Variants in CPTP observed in about 807,000 individuals in gnomAD.
The protein encoded by CPTP is GLTP domain-containing protein 1.
CPTP carries 5 observed loss-of-function variants against 5.7 expected under a neutral mutation model. That is an observed-to-expected ratio of 0.88 (90% CI 0.46 to 1.86). CPTP has a LOEUF of 1.86. Among genes scored for constraint, CPTP ranks in the 40% most tolerant of loss-of-function variants. CPTP has a pLI of 0.01. For missense variants in CPTP, 335 were observed against 306.5 expected (o/e 1.09, Z -0.69); for synonymous variants, 166 against 142.7 (o/e 1.16, Z -1.16).
Position 1,327,703 on chromosome 1 carries a change from G to T in CPTP, c.585G>T (p.Gln195His), listed in dbSNP as rs371503964. ...QMLGEALPFI[Q>H]RVYNVSQKLY... ...TAGGCGAGGCCCTCCCCTTCATCCA[G>T]CGTGTCTACAACGTCTCCCAGAAGC... The change falls in exon 3 of 3, where the codon CAG becomes CAT. Residue 195 changes from glutamine (Q) to histidine (H), a missense_variant. Gln to His is a conservative substitution (Grantham distance 24, BLOSUM62 0). Coordinates refer to ENST00000343938, the MANE Select transcript of CPTP (RefSeq NM_001029885.2). 7.4e-6 allele frequency: 12 copies of T among 1,612,644 alleles called. No homozygotes were observed. In the East Asian group the frequency reaches 8.9e-5, roughly 12 times the overall value.
At position 1,328,119 on chromosome 1, in the gene CPTP, C is replaced by T. The variant is rs1344206249; in HGVS notation, c.*356C>T. The T allele has an allele frequency of 2.8e-6, 1 of 353,112 alleles. No individual in the cohort carries two copies. The allele number at this position is 353,112 out of a possible 1,614,324, so 21.9% of individuals were successfully genotyped here. On this transcript the variant is annotated 3_prime_UTR_variant, in exon 3 of 3. Transcript: ENST00000343938. ...TCGCCACCCCCTAGCCTGTGGGGTG[C>T]ATCTGCGAACCAGGGTGAAGTCACA...
At position 1,327,456 on chromosome 1, in the gene CPTP, G is replaced by A. The variant is rs749351924; in HGVS notation, c.338G>A (p.Arg113His). 1.0e-5 allele frequency: 16 copies of A among 1,573,464 alleles called. No individual in the cohort carries two copies. Among genetic ancestry groups the A allele is most frequent in the Non-Finnish European group, 1.2e-5 (14 of 1,165,572 alleles). ...SGCRTVLRLH[R>H]ALHWLQLFLE... The stretch of plus-strand genomic sequence containing the variant: ...TGCCGGACGGTGCTGCGCCTGCACC[G>A]CGCCCTGCACTGGCTGCAGCTGTTC... Residue 113 changes from arginine to histidine, a missense_variant, in exon 3 of 3, where the codon CGC (arginine) becomes CAC (histidine). Physicochemically the swap from Arg to His is conservative, Grantham distance 29. Transcript: ENST00000343938.
At position 1,327,041 on chromosome 1, in the gene CPTP, G is replaced by C; in HGVS notation, c.122+9G>C. The C allele has an allele frequency of 6.2e-7, 1 of 1,612,622 alleles. No individual in the cohort carries two copies. The highest frequency in any genetic ancestry group is 1.1e-5 in the South Asian group (1 of 91,078). ...TGGAAGGGCCTGGTCAGGTGCGTGT[G>C]CCAGGGCTGCCTCCTGAGGTGGGCG... On this transcript the variant is annotated intron_variant, in intron 2 of 2. Coordinates refer to ENST00000343938, the MANE Select transcript of CPTP (RefSeq NM_001029885.2).
chr1:1,327,607 C>T lies in CPTP; in HGVS notation c.489C>T (p.Cys163=). ...GCCGCGCCGTCACCGTGGCCTTCTGCACGCTGCCCACACGCGAGGTCTTCC... is the reference window on the plus strand; with the variant it reads ...GCCGCGCCGTCACCGTGGCCTTCTGTACGCTGCCCACACGCGAGGTCTTCC... ...VVRRAVTVAF[C]TLPTREVFLE... is the part of the protein sequence containing the mutation. The change falls in exon 3 of 3, where the codon TGC becomes TGT. Residue 163 remains cysteine (C), a synonymous_variant. Transcript: ENST00000343938. 6.2e-7 allele frequency: 1 copy of T among 1,611,774 alleles called. No individual in the cohort carries two copies. Among genetic ancestry groups the T allele is most frequent in the Non-Finnish European group, 8.5e-7 (1 of 1,179,582 alleles).
At position 1,327,311 on chromosome 1, in the gene CPTP, G is replaced by T. The variant is rs1569622035; in HGVS notation, c.193G>T (p.Glu65Ter). 1 of 1,598,138 alleles carries T rather than the reference G, an allele frequency of 6.3e-7. No individual in the cohort carries two copies. Among genetic ancestry groups the T allele is most frequent in the South Asian group, 1.1e-5 (1 of 90,982 alleles). ...KDVVSKLRIM[E>*]RLRGGPQSEH... ...CGTGGTCTCCAAGCTGCGGATCATG[G>T]AGCGCCTCAGGGGCGGCCCGCAGAG... The change falls in exon 3 of 3, where the codon GAG becomes TAG. Residue 65 changes from glutamate to a stop codon, truncating the protein, a stop_gained. Coordinates refer to ENST00000343938, the MANE Select transcript of CPTP (RefSeq NM_001029885.2). LOFTEE classifies it low-confidence loss of function (END_TRUNC).
chr1:1,328,013 G>A lies in CPTP; in HGVS notation c.*250G>A, dbSNP rs559902285. 52 of 574,696 alleles carry A rather than the reference G, an allele frequency of 9.0e-5. No individual in the cohort carries two copies. Among genetic ancestry groups the A allele is most frequent in the Non-Finnish European group, 1.3e-4 (41 of 324,700 alleles). The allele number at this position is 574,696 out of a possible 1,614,324, so 35.6% of individuals were successfully genotyped here. A position where few individuals can be genotyped will look rare whatever the true frequency, so the allele number is the denominator to read the frequency against. ...GGCTCCCCCTCGGCCTATTACACGC[G>A]TGCGCAGCCAGGCCTCGCCAGGGTG... On this transcript the variant is annotated 3_prime_UTR_variant, in exon 3 of 3. Transcript: ENST00000343938.
In CPTP at chr1:1,326,969, G is replaced by C; in HGVS notation, c.59G>C (p.Cys20Ser). The C allele has an allele frequency of 6.2e-7, 1 of 1,613,794 alleles. No homozygotes were observed. Among genetic ancestry groups the C allele is most frequent in the Non-Finnish European group, 8.5e-7 (1 of 1,179,998 alleles). The change falls in exon 2 of 3, where the codon TGT becomes TCT. Residue 20 changes from cysteine to serine, a missense_variant. Physicochemically the swap from Cys to Ser is moderately radical, Grantham distance 112. Transcript: ENST00000343938. ...GTCGTCCTGGTCAGTTTCAAGCAGT[G>C]TCTCGATGAGAAGGAAGAGGTCTTG... ...LKVVLVSFKQ[C>S]LDEKEEVLLD...
chr1:1,326,592 A>G (rs184235617), intron 1 of CPTP, among the ~76,000 whole-genome samples: 3 of 152,344 alleles, frequency 2.0e-5, no homozygotes, highest in Non-Finnish European at 4.4e-5. Context: ...TGATAAAGCC[A>G]GAGGGGGCCA....
chr1:1,324,824 C>T lies in CPTP; in HGVS notation c.-354C>T, dbSNP rs919345665. 4.4e-5 allele frequency: 22 copies of T among 498,324 alleles called. No homozygotes were observed. The highest frequency in any genetic ancestry group is 6.6e-5 in the Non-Finnish European group (19 of 287,778). The allele number at this position is 498,324 out of a possible 1,614,324, so 30.9% of individuals were successfully genotyped here. A position where few individuals can be genotyped will look rare whatever the true frequency, so the allele number is the denominator to read the frequency against. On this transcript the variant is annotated 5_prime_UTR_variant, in exon 1 of 3. Coordinates refer to ENST00000343938, the MANE Select transcript of CPTP (RefSeq NM_001029885.2). Reference sequence around the variant, plus strand: ...GACGGGGCCCGCACGGCGGCTACGGCCTAGGTGAGCGGCTCGGACTCGGCG... The same window carrying T: ...GACGGGGCCCGCACGGCGGCTACGGTCTAGGTGAGCGGCTCGGACTCGGCG...
In CPTP at chr1:1,327,341, C is replaced by A; in HGVS notation, c.223C>A (p.His75Asn). ...CCTCAGGGGCGGCCCGCAGAGCGAG[C>A]ACTACCGCAGCCTGCAGGCCATGGT... ...ERLRGGPQSE[H>N]YRSLQAMVAH... is the part of the protein sequence containing the mutation. Residue 75 changes from histidine to asparagine, a missense_variant, in exon 3 of 3, where the codon CAC (histidine) becomes AAC (asparagine). By Grantham distance (68) the His-to-Asn change is moderately conservative. Transcript: ENST00000343938. 1 of 1,598,490 alleles carries A rather than the reference C, an allele frequency of 6.3e-7. No individual in the cohort carries two copies. The highest frequency in any genetic ancestry group is 8.5e-7 in the Non-Finnish European group (1 of 1,179,454).
Position 1,324,848 on chromosome 1 carries a change from C to T in CPTP, c.-330C>T, listed in dbSNP as rs923494756. 12 of 476,556 alleles carry T rather than the reference C, an allele frequency of 2.5e-5. No individual in the cohort carries two copies. Among genetic ancestry groups the T allele is most frequent in the African/African-American group, 1.9e-4 (9 of 47,092 alleles). The allele number at this position is 476,556 out of a possible 1,614,324, so 29.5% of individuals were successfully genotyped here. On this transcript the variant is annotated 5_prime_UTR_variant, in exon 1 of 3. Transcript: ENST00000343938. ...GCCTAGGTGAGCGGCTCGGACTCGG[C>T]GGCCGCACCTGCCCAACCCAACCCG...
At chr1:1,325,359 C>G (rs1056828304) in intron 1 of CPTP, 1 of 152,370 alleles carries the variant, frequency 6.6e-6, no homozygotes, top group African/African-American at 2.4e-5. Context: ...TGTTACCGAG[C>G]CACCAGCCAC....
At position 1,326,906 on chromosome 1, in the gene CPTP, A is replaced by G; in HGVS notation, c.-5A>G. 2 of 1,613,660 alleles carry G rather than the reference A, an allele frequency of 1.2e-6. No individual in the cohort carries two copies. Among genetic ancestry groups the G allele is most frequent in the Non-Finnish European group, 1.7e-6 (2 of 1,179,896 alleles). ...GCCCTACTGTATTTCCGTTCCTATC[A>G]AAAAATGGATGACTCGGAGACAGGT... is the stretch of plus-strand genomic sequence containing the variant. On this transcript the variant is annotated 5_prime_UTR_variant, in exon 2 of 3. Transcript: ENST00000343938.
At position 1,328,006 on chromosome 1, in the gene CPTP, T is replaced by TA; in HGVS notation, c.*244dup. ...CGGCCACGGCTCCCCCTCGGCCTAT[T>TA]ACACGCGTGCGCAGCCAGGCCTCGC... is the stretch of plus-strand genomic sequence containing the variant. On this transcript the variant is annotated 3_prime_UTR_variant, in exon 3 of 3. Transcript: ENST00000343938. 1 of 580,706 alleles carries TA rather than the reference T, an allele frequency of 1.7e-6. No homozygotes were observed. Among genetic ancestry groups the TA allele is most frequent in the Non-Finnish European group, 3.0e-6 (1 of 328,376 alleles). The allele number at this position is 580,706 out of a possible 1,614,324, so 36.0% of individuals were successfully genotyped here.
chr1:1,328,778 T>G lies in CPTP; in HGVS notation c.*1015T>G, dbSNP rs1303204183. ...CACAGTGGACCCCAGCACCTCGGGG[T>G]GGCAGAGGGACGGCCCCCACGGCCC... is the stretch of plus-strand genomic sequence containing the variant. On this transcript the variant is annotated 3_prime_UTR_variant, in exon 3 of 3. Transcript: ENST00000343938. The G allele has an allele frequency of 6.6e-6, 1 of 152,326 alleles. No individual in the cohort carries two copies. Among genetic ancestry groups the G allele is most frequent in the Non-Finnish European group, 1.5e-5 (1 of 68,024 alleles). 9.4% of individuals were successfully genotyped at this position (152,326 alleles called of 1,614,324 possible).
At position 1,326,952 on chromosome 1, in the gene CPTP, G is replaced by C. The variant is rs754854819; in HGVS notation, c.42G>C (p.Leu14=). 8 of 1,613,700 alleles carry C rather than the reference G, an allele frequency of 5.0e-6. No homozygotes were observed. In the Admixed American group the frequency reaches 1.3e-4, roughly 27 times the overall value. The part of the protein sequence containing the change: ...SETGFNLKVV[L]VSFKQCLDEK... Reference sequence around the variant, plus strand: ...CAGGTTTCAATCTGAAAGTCGTCCTGGTCAGTTTCAAGCAGTGTCTCGATG... The same window carrying C: ...CAGGTTTCAATCTGAAAGTCGTCCTCGTCAGTTTCAAGCAGTGTCTCGATG... Residue 14 remains leucine (L), a synonymous_variant, in exon 2 of 3, where the codon CTG becomes CTC. Coordinates refer to ENST00000343938, the MANE Select transcript of CPTP (RefSeq NM_001029885.2).
chr1:1,324,848 C>A lies in CPTP; in HGVS notation c.-330C>A. 1 of 476,658 alleles carries A rather than the reference C, an allele frequency of 2.1e-6. No homozygotes were observed. Among genetic ancestry groups the A allele is most frequent in the Non-Finnish European group, 3.7e-6 (1 of 272,290 alleles). 29.5% of individuals were successfully genotyped at this position (476,658 alleles called of 1,614,324 possible). On this transcript the variant is annotated 5_prime_UTR_variant, in exon 1 of 3. Coordinates refer to ENST00000343938, the MANE Select transcript of CPTP (RefSeq NM_001029885.2). ...GCCTAGGTGAGCGGCTCGGACTCGG[C>A]GGCCGCACCTGCCCAACCCAACCCG...
At chr1:1,326,350 T>A (rs1055690222) in intron 1 of CPTP, among the ~76,000 whole-genome samples, 7 of 142,200 alleles carry the variant, frequency 4.9e-5, no homozygotes, top group African/African-American at 1.8e-4. Context: ...GCTGTGTCTG[T>A]TTTCTTGTCT....
Position 1,326,923 on chromosome 1 carries a change from G to A in CPTP, c.13G>A (p.Glu5Lys). The A allele has an allele frequency of 6.2e-7, 1 of 1,613,856 alleles. No homozygotes were observed. The highest frequency in any genetic ancestry group is 8.5e-7 in the Non-Finnish European group (1 of 1,179,988). Reference sequence around the variant, plus strand: ...TTCCTATCAAAAAATGGATGACTCGGAGACAGGTTTCAATCTGAAAGTCGT... The same window carrying A: ...TTCCTATCAAAAAATGGATGACTCGAAGACAGGTTTCAATCTGAAAGTCGT... The part of the protein sequence containing the change: MDDS[E>K]TGFNLKVVLV... The change falls in exon 2 of 3, where the codon GAG becomes AAG. Residue 5 changes from glutamate to lysine, a missense_variant. Physicochemically the swap from Glu to Lys is moderately conservative, Grantham distance 56. Coordinates refer to ENST00000343938, the MANE Select transcript of CPTP (RefSeq NM_001029885.2).
Sources: gnomAD v4.1 joint callset for allele counts (sites outside exome capture counted in the v4.1 genomes callset) on GRCh38, gnomAD v4.1.1 for gene constraint, MANE v1.5 for transcripts, NCBI Gene and HGNC (gene_info 2026-07-23, HGNC 2026-07-21) for gene names.